TMEM132D: variants seen among roughly 807,000 people sequenced by gnomAD.
The protein encoded by TMEM132D is transmembrane protein 132D, also known as mature OL transmembrane protein.
Under a neutral mutation model 62.3 loss-of-function variants are expected in TMEM132D, and 21 were observed. The observed-to-expected ratio is 0.34, with a 90% CI of 0.24 to 0.49. TMEM132D has a LOEUF of 0.49. Ranked by LOEUF, TMEM132D falls within the 20% of genes least tolerant of loss-of-function variation. The probability of loss-of-function intolerance (pLI) is 0.99; values close to 1 mark genes in which losing one functional copy is unlikely to be tolerated. For synonymous variants in TMEM132D, 621 were observed against 575.6 expected (o/e 1.08, Z -1.13); for missense variants, 1,346 against 1,402.8 (o/e 0.96, Z 0.65).
chr12:129,453,641 C>T (rs141604803), intron 3 of TMEM132D, among the ~76,000 whole-genome samples: 1 of 152,352 alleles, frequency 6.6e-6, no homozygotes, highest in Admixed American at 6.5e-5. Flanking sequence ...CGAACGCTGA[C>T]TGCTGTGGGC....
Position 129,634,407 on chromosome 12 carries a change from G to A in TMEM132D, c.968+65403C>T, listed in dbSNP as rs933049615. ...GAGGATTGCTTGAACCCAGGATGTC[G>A]AGGCTGCAGTGAGCTGTGATTGTGC... On this transcript the variant is annotated intron_variant, in intron 2 of 8. Transcript: ENST00000422113. Among the ~76,000 whole-genome samples, 7 of 150,794 alleles carry A rather than the reference G, an allele frequency of 4.6e-5. No homozygotes were observed. In the South Asian group the frequency reaches 1.0e-3, roughly 23 times the overall value.
At chr12:129,483,614 T>C (rs1303154593) in intron 3 of TMEM132D, among the ~76,000 whole-genome samples, 6 of 152,250 alleles carry the variant, frequency 3.9e-5, no homozygotes, top group Admixed American at 3.9e-4. Context: ...TTCGGTTAGC[T>C]TGGAACATCA....
chr12:129,393,337 A>T (rs774660089), intron 3 of TMEM132D, among the ~76,000 whole-genome samples: 8 of 152,232 alleles, frequency 5.3e-5, no homozygotes, highest in Non-Finnish European at 8.8e-5. Context: ...CCTATCCAGG[A>T]TGTTGTTTAA....
intron 3 of TMEM132D, among the ~76,000 whole-genome samples, chr12:129,356,931 AGAGGGGAGGGGAGGG>A (rs766252229): frequency 1.9e-5 from 1 of 51,906 alleles, no homozygotes; most frequent in African/African-American, 7.7e-5. Flanking sequence ...AGAGGAGAGG[AGAGGGGAGGGGAGGG>A]GAGGGGAGGG....
chr12:129,092,303 C>CTTTTTTTTTTTT (rs3045890), intron 5 of TMEM132D, among the ~76,000 whole-genome samples: 2 of 133,890 alleles, frequency 1.5e-5, no homozygotes, highest in Non-Finnish European at 3.1e-5. Flanking sequence ...TCTCTCTTTC[C>CTTTTTTTTTTTT]TTTTTTTTTT....
At chr12:129,401,660 C>T (rs1002670986) in intron 3 of TMEM132D, among the ~76,000 whole-genome samples, 1 of 152,174 alleles carries the variant, frequency 6.6e-6, no homozygotes, top group Non-Finnish European at 1.5e-5. Flanking sequence ...GTTGGCTATT[C>T]TCCACTTTGC....
At chr12:129,537,615 C>T (rs150343015) in intron 2 of TMEM132D, among the ~76,000 whole-genome samples, 3 of 152,142 alleles carry the variant, frequency 2.0e-5, no homozygotes, top group African/African-American at 4.8e-5. Context: ...AGAAGTAAGA[C>T]CTGTGACTTC....
At chr12:129,692,276 A>T (rs2137217711) in intron 2 of TMEM132D, among the ~76,000 whole-genome samples, 1 of 152,358 alleles carries the variant, frequency 6.6e-6, no homozygotes, top group Admixed American at 6.5e-5. Flanking sequence ...GGCTGATTTC[A>T]TGTTCAAAAA....
chr12:129,531,292 C>T (rs1566100692), intron 2 of TMEM132D, 87 bp from the exon 3 acceptor site: 2 of 1,456,816 alleles, frequency 1.4e-6, no homozygotes, highest in Admixed American at 2.1e-5. Flanking sequence ...AGCTTAATTG[C>T]TCACCGTTGC....
At position 129,868,162 on chromosome 12, in the gene TMEM132D, T is replaced by C. The variant is rs1369908283; in HGVS notation, c.79+35099A>G. Reference sequence around the variant, plus strand: ...TTTCTATGGTACATACATGAGGCAGTGTTTCCATGGTACACACACGAGACA... The same window carrying C: ...TTTCTATGGTACATACATGAGGCAGCGTTTCCATGGTACACACACGAGACA... On this transcript the variant is annotated intron_variant, in intron 1 of 8. Transcript: ENST00000422113. Among the ~76,000 whole-genome samples the C allele has an allele frequency of 8.6e-5, 13 of 151,020 alleles. 1 individual carries two copies. The highest frequency in any genetic ancestry group is 2.9e-4 in the African/African-American group (12 of 40,998).
chr12:129,317,302 G>A (rs1868520810), intron 4 of TMEM132D, among the ~76,000 whole-genome samples: 1 of 152,146 alleles, frequency 6.6e-6, no homozygotes, highest in Non-Finnish European at 1.5e-5. Flanking sequence ...TCAAGATTTA[G>A]AGCTCCTTTT....
chr12:129,690,745 A>G (rs1393239450), intron 2 of TMEM132D, among the ~76,000 whole-genome samples: 3 of 152,196 alleles, frequency 2.0e-5, no homozygotes, highest in African/African-American at 4.8e-5. Flanking sequence ...CCCCTATTAT[A>G]GTTGGGAACT....
intron 5 of TMEM132D, among the ~76,000 whole-genome samples, chr12:129,154,162 A>T (rs1252659436): frequency 6.6e-6 from 1 of 152,184 alleles, no homozygotes; most frequent in Non-Finnish European, 1.5e-5. Flanking sequence ...CTGAAGATCC[A>T]GTGAAGGGGA....
intron 1 of TMEM132D, among the ~76,000 whole-genome samples, chr12:129,865,553 A>G (rs1593191747): frequency 1.3e-5 from 2 of 152,196 alleles, no homozygotes; most frequent in East Asian, 3.9e-4. Flanking sequence ...ACGTCTTGCA[A>G]TGAGCAGGCA....
Position 129,371,097 on chromosome 12 carries a change from G to A in TMEM132D, c.1116-33280C>T, listed in dbSNP as rs534907249. Among the ~76,000 whole-genome samples, 26 of 152,224 alleles carry A rather than the reference G, an allele frequency of 1.7e-4. No individual in the cohort carries two copies. Among genetic ancestry groups the A allele is most frequent in the Admixed American group, 4.6e-4 (7 of 15,288 alleles). ...GTGATAGACCCAATTACCTTGATTC[G>A]ATCATTATATTGTTGTAGGTACCAC... On this transcript the variant is annotated intron_variant, in intron 3 of 8. Transcript: ENST00000422113. The surrounding 1 kb of genome is among the most constrained non-coding windows in gnomAD (Gnocchi z 4.3).
In TMEM132D at chr12:129,133,258, G is replaced by C. The variant is rs951118920; in HGVS notation, c.1444-48556C>G. 9.8e-5 allele frequency among the ~76,000 whole-genome samples: 15 copies of C among 152,308 alleles called. No homozygotes were observed. In the East Asian group the frequency reaches 2.9e-3, roughly 29 times the overall value. The stretch of plus-strand genomic sequence containing the variant: ...TAAGTCTTGTTAATTGTAGGCACAG[G>C]CTGTAGCAAATGTCTAGGACTTGTT... On this transcript the variant is annotated intron_variant, in intron 5 of 8. Coordinates refer to ENST00000422113, the MANE Select transcript of TMEM132D (RefSeq NM_133448.3).
chr12:129,332,527 A>AG (rs1869142324), intron 4 of TMEM132D, among the ~76,000 whole-genome samples: 1 of 150,640 alleles, frequency 6.6e-6, no homozygotes, highest in Non-Finnish European at 1.5e-5. Context: ...ATCCTTGACA[A>AG]CAGCCACAAC....
intron 2 of TMEM132D, among the ~76,000 whole-genome samples, chr12:129,575,558 A>G (rs1021280630): frequency 6.6e-6 from 1 of 151,886 alleles, no homozygotes; most frequent in Non-Finnish European, 1.5e-5. Context: ...TGCCAGACTG[A>G]GAAGTCCTGC....
intron 3 of TMEM132D, among the ~76,000 whole-genome samples, chr12:129,395,473 T>G (rs1871396177): frequency 6.6e-6 from 1 of 152,130 alleles, no homozygotes; most frequent in African/African-American, 2.4e-5. Context: ...TATGAATATT[T>G]TTGTAATGTT....
Sources: gnomAD v4.1 joint callset for allele counts (sites outside exome capture counted in the v4.1 genomes callset) on GRCh38, gnomAD v4.1.1 for gene constraint, Gnocchi (gnomAD v3.1) non-coding constraint, MANE v1.5 for transcripts, NCBI Gene and HGNC (gene_info 2026-07-23, HGNC 2026-07-21) for gene names.